The following DACH1 variants were observed in gnomAD, a reference collection of about 807,000 sequenced individuals.
DACH1 encodes dachshund homolog 1.
A neutral mutation model predicts 54.2 loss-of-function variants in DACH1; 12 were observed. That is an observed-to-expected ratio of 0.22 (90% confidence interval 0.14 to 0.36). The LOEUF is 0.36. DACH1 is among the 10% of genes least tolerant of loss of function. DACH1 has a pLI of 1.00. For synonymous variants in DACH1, 386 were observed against 366.2 expected, an observed-to-expected ratio of 1.05 and a Z score of -0.62; for missense variants, 805 against 929.8, an observed-to-expected ratio of 0.87 and a Z score of 1.75.
chr13:71,661,867 C>T (rs760116779), intron 2 of DACH1, among the ~76,000 whole-genome samples: 7 of 151,910 alleles, frequency 4.6e-5, no homozygotes, highest in African/African-American at 1.2e-4. Flanking sequence ...GACAGTCACT[C>T]GTTCAGTCCT....
intron 6 of DACH1, among the ~76,000 whole-genome samples, chr13:71,513,052 A>G (rs1349575198): frequency 6.6e-6 from 1 of 151,952 alleles, no homozygotes; most frequent in African/African-American, 2.4e-5. Flanking sequence ...AGAACTTAGA[A>G]ATATATACAG....
At chr13:71,492,851 T>TTAAG (rs1222815870) in intron 6 of DACH1, among the ~76,000 whole-genome samples, 2 of 151,884 alleles carry the variant, frequency 1.3e-5, no homozygotes, top group African/African-American at 2.4e-5. Flanking sequence ...TGTATATTTC[T>TTAAG]TAAGTACAAG....
At chr13:71,509,797 C>A (rs1405149824) in intron 6 of DACH1, among the ~76,000 whole-genome samples, 1 of 152,052 alleles carries the variant, frequency 6.6e-6, no homozygotes, top group African/African-American at 2.4e-5. Flanking sequence ...TATATCCCAT[C>A]TAATGGAAAA....
At chr13:71,500,738 G>A (rs1322903456) in intron 6 of DACH1, among the ~76,000 whole-genome samples, 2 of 151,998 alleles carry the variant, frequency 1.3e-5, no homozygotes, top group Non-Finnish European at 2.9e-5. Flanking sequence ...ATGATTCCAT[G>A]AATATGGCCA....
intron 4 of DACH1, among the ~76,000 whole-genome samples, chr13:71,565,654 C>G (rs1479155408): frequency 1.3e-5 from 2 of 151,880 alleles, no homozygotes; most frequent in East Asian, 3.9e-4. Flanking sequence ...TGAGGAAGCC[C>G]CAAATAATAT....
intron 1 of DACH1, among the ~76,000 whole-genome samples, chr13:71,823,170 AC>A (rs1323308387): frequency 6.6e-6 from 1 of 152,126 alleles, no homozygotes; most frequent in Non-Finnish European, 1.5e-5. Context: ...AACAAAAGCA[AC>A]CCTTTCATTA....
intron 1 of DACH1, among the ~76,000 whole-genome samples, chr13:71,836,729 T>C (rs1405451947): frequency 2.6e-5 from 4 of 152,038 alleles, no homozygotes; most frequent in African/African-American, 7.2e-5. Context: ...CTCAGTGAGG[T>C]AGGCCTCATT....
intron 3 of DACH1, among the ~76,000 whole-genome samples, chr13:71,589,414 CCA>C (rs1281273545): frequency 7.9e-5 from 12 of 151,758 alleles, no homozygotes; most frequent in Admixed American, 7.9e-4. Context: ...GTTTTAAATA[CCA>C]CAGAGATTAT....
At chr13:71,834,398 A>G (rs991355207) in intron 1 of DACH1, among the ~76,000 whole-genome samples, 2 of 152,036 alleles carry the variant, frequency 1.3e-5, no homozygotes, top group African/African-American at 2.4e-5. Flanking sequence ...GATGATGCAA[A>G]GGTTCTCATA....
chr13:71,720,300 T>C (rs909690543), intron 1 of DACH1, among the ~76,000 whole-genome samples: 3 of 152,198 alleles, frequency 2.0e-5, no homozygotes, highest in African/African-American at 7.2e-5. Flanking sequence ...TGGACTTCAC[T>C]GACATATGAA....
intron 10 of DACH1, among the ~76,000 whole-genome samples, chr13:71,469,449 C>T (rs1470924995): frequency 6.6e-6 from 1 of 151,382 alleles, no homozygotes; most frequent in African/African-American, 2.4e-5. Context: ...AAACAAATAA[C>T]AACAACAATA....
At chr13:71,758,601 C>G (rs1885266856) in intron 1 of DACH1, among the ~76,000 whole-genome samples, 1 of 152,094 alleles carries the variant, frequency 6.6e-6, no homozygotes, top group African/African-American at 2.4e-5. Flanking sequence ...TTAAGAATAG[C>G]TTGAAATACC....
intron 1 of DACH1, among the ~76,000 whole-genome samples, chr13:71,735,182 G>T (rs201417837): frequency 0.21 from 12,825 of 61,728 alleles, 4,579 homozygotes; most frequent in Non-Finnish European, 0.34. Context: ...TCGTATATGG[G>T]ATATACGTAT....
chr13:71,638,671 T>C (rs1877678609), intron 2 of DACH1, among the ~76,000 whole-genome samples: 1 of 152,204 alleles, frequency 6.6e-6, no homozygotes, highest in East Asian at 1.9e-4. Context: ...ATTAAATTAC[T>C]TCAACCAGAG....
chr13:71,551,006 A>C (rs1883779539), intron 6 of DACH1, among the ~76,000 whole-genome samples: 1 of 152,132 alleles, frequency 6.6e-6, no homozygotes, highest in Admixed American at 6.6e-5. Context: ...CAAAATATAG[A>C]AAATTTTAAA....
intron 1 of DACH1, among the ~76,000 whole-genome samples, chr13:71,686,310 A>T (rs1881157563): frequency 6.6e-6 from 1 of 152,122 alleles, no homozygotes; most frequent in African/African-American, 2.4e-5. Flanking sequence ...AACACTAGGG[A>T]ACTCACCCAA....
At chr13:71,604,726 G>GCAA (rs1476492863) in intron 3 of DACH1, among the ~76,000 whole-genome samples, 1 of 151,810 alleles carries the variant, frequency 6.6e-6, no homozygotes, top group Non-Finnish European at 1.5e-5. Flanking sequence ...GAGAACCCAG[G>GCAA]TGTCACATGG....
At chr13:71,544,752 C>T (rs949322963) in intron 6 of DACH1, among the ~76,000 whole-genome samples, 3 of 151,974 alleles carry the variant, frequency 2.0e-5, no homozygotes, top group African/African-American at 7.2e-5. Context: ...AATATAGACC[C>T]CACCACATAT....
At chr13:71,839,435 G>A (rs750848657) in intron 1 of DACH1, among the ~76,000 whole-genome samples, 46 of 151,898 alleles carry the variant, frequency 3.0e-4, no homozygotes, top group Non-Finnish European at 6.2e-4. Flanking sequence ...GTGAAACCCC[G>A]TATCTACTAA....
Sources: allele counts gnomAD v4.1 joint callset (sites outside exome capture counted in the v4.1 genomes callset), GRCh38; gene constraint gnomAD v4.1.1; transcripts MANE v1.5; gene names NCBI Gene and HGNC (gene_info 2026-07-23, HGNC 2026-07-21).